TCF4: variants seen among roughly 807,000 people sequenced by gnomAD.
TCF4 encodes the protein transcription factor 4, also known as SL3-3 enhancer factor 2.
In TCF4, 3 loss-of-function variants were observed where a neutral mutation model predicts 82.1. The ratio of observed to expected loss-of-function variants is 0.04; its 90% CI spans 0.02 to 0.09. The LOEUF (loss-of-function observed/expected upper bound fraction) is 0.09, where lower values mean the gene tolerates loss of function less well. Ranked by LOEUF, TCF4 falls within the 10% of genes least tolerant of loss-of-function variation. TCF4 has a pLI of 1.00. For synonymous variants in TCF4, 276 were observed against 309.6 expected (o/e 0.89, Z 1.14); for missense variants, 518 against 852.7 (o/e 0.61, Z 4.89).
At chr18:55,317,056 T>G (rs1448324476) in intron 8 of TCF4, among the ~76,000 whole-genome samples, 1 of 152,070 alleles carries the variant, frequency 6.6e-6, no homozygotes, top group African/African-American at 2.4e-5. Context: ...GTAGCCACAA[T>G]GTCAAGATTA....
chr18:55,488,220 C>T (rs1214824901), intron 3 of TCF4, among the ~76,000 whole-genome samples: 1 of 152,120 alleles, frequency 6.6e-6, no homozygotes. Context: ...ACAAAACAAA[C>T]AGGGTTTTCC....
intron 5 of TCF4, among the ~76,000 whole-genome samples, chr18:55,418,445 A>AAAAGATGGT (rs1338977159): frequency 6.6e-6 from 1 of 152,180 alleles, no homozygotes; most frequent in African/African-American, 2.4e-5. Context: ...ACTGAATTAT[A>AAAAGATGGT]AAAGATGGTA....
At chr18:55,614,614 AT>A (rs539708177) in intron 2 of TCF4, among the ~76,000 whole-genome samples, 11 of 152,034 alleles carry the variant, frequency 7.2e-5, no homozygotes, top group Non-Finnish European at 1.2e-4. Flanking sequence ...GGTTCTTAAA[AT>A]TTTTTTTGAG....
intron 8 of TCF4, among the ~76,000 whole-genome samples, chr18:55,312,102 A>G (rs2072664092): frequency 1.3e-5 from 2 of 152,232 alleles, no homozygotes; most frequent in Non-Finnish European, 2.9e-5. Context: ...ATTCCACATC[A>G]GGCCAGCCAT....
chr18:55,474,650 T>A (rs2096252592), intron 3 of TCF4, among the ~76,000 whole-genome samples: 1 of 152,142 alleles, frequency 6.6e-6, no homozygotes, highest in African/African-American at 2.4e-5. Flanking sequence ...AACACAGATA[T>A]CCTAACCCCA....
Position 55,619,828 on chromosome 18 carries a change from C to T in TCF4, c.286+11470G>A, listed in dbSNP as rs940185272. On this transcript the variant is annotated intron_variant, in intron 2 of 20. Coordinates refer to the TCF4 transcript ENST00000398339. The stretch of plus-strand genomic sequence containing the variant: ...TGGATGTTTTTGTATACCTATAGAC[C>T]TTCTTAAGCTTTTTTCCTTCCCTGG... Among the ~76,000 whole-genome samples the T allele has an allele frequency of 6.6e-5, 10 of 151,904 alleles. 1 individual carries two copies. Among genetic ancestry groups the T allele is most frequent in the African/African-American group, 1.7e-4 (7 of 41,336 alleles).
At chr18:55,269,644 A>G in intron 11 of TCF4, 187 bp downstream of exon 11, 1 of 784,394 alleles carries the variant, frequency 1.3e-6, no homozygotes, top group South Asian at 1.7e-5. Context: ...GTGTCTTGTG[A>G]CGAAAAATAT....
chr18:55,551,132 T>A (rs1394170948), intron 3 of TCF4: 1 of 152,100 alleles, frequency 6.6e-6, no homozygotes, highest in African/African-American at 2.4e-5. Context: ...TTAGTAGAGA[T>A]GGCATTTTCG....
intron 5 of TCF4, among the ~76,000 whole-genome samples, chr18:55,431,806 T>C (rs902404187): frequency 2.8e-4 from 43 of 152,320 alleles, no homozygotes; most frequent in African/African-American, 1.0e-3. Flanking sequence ...CAATAAATTT[T>C]ACTGTGGCAC....
At chr18:55,541,156 A>T (rs374074148) in intron 3 of TCF4, among the ~76,000 whole-genome samples, 110 of 152,078 alleles carry the variant, frequency 7.2e-4, no homozygotes, top group African/African-American at 2.3e-3. Context: ...TAAATGCTCT[A>T]TTCTTGATTT....
At chr18:55,344,823 G>T (rs2080821939) in intron 8 of TCF4, among the ~76,000 whole-genome samples, 1 of 152,116 alleles carries the variant, frequency 6.6e-6, no homozygotes, top group Non-Finnish European at 1.5e-5. Context: ...TGTTTTGTTT[G>T]AGTGTTTGGG....
intron 5 of TCF4, among the ~76,000 whole-genome samples, chr18:55,429,046 ATT>A (rs2095091469): frequency 6.6e-6 from 1 of 152,232 alleles, no homozygotes; most frequent in South Asian, 2.1e-4. Flanking sequence ...TATTAAATAT[ATT>A]TTGTCAATGA....
At chr18:55,603,738 T>C (rs906306175) in intron 2 of TCF4, among the ~76,000 whole-genome samples, 3 of 152,090 alleles carry the variant, frequency 2.0e-5, no homozygotes, top group Non-Finnish European at 4.4e-5. Context: ...AGGGAAAACA[T>C]GTACACAGAA....
chr18:55,401,286 C>T lies in TCF4; in HGVS notation c.369+2168G>A, dbSNP rs7236325. On this transcript the variant is annotated intron_variant, in intron 6 of 19. Coordinates refer to ENST00000354452, the MANE Select transcript of TCF4 (RefSeq NM_001083962.2). ...TCCAAAATTTCACTTTTATTTATCC[C>T]TAAGTAATCACACTGTTTATGGAGA... The T allele has an allele frequency of 3.1e-5, 37 of 1,189,366 alleles. No individual in the cohort carries two copies. In the African/African-American group the frequency reaches 5.9e-4, roughly 19 times the overall value. 73.7% of individuals were successfully genotyped at this position (1,189,366 alleles called of 1,614,324 possible).
chr18:55,571,874 CA>C (rs57217543), intron 3 of TCF4, among the ~76,000 whole-genome samples: 205 of 122,508 alleles, frequency 1.7e-3, no homozygotes, highest in East Asian at 4.6e-3. Flanking sequence ...ATTTTCTTTT[CA>C]AAAAAAAAAA....
chr18:55,470,686 C>A (rs1040756940), intron 3 of TCF4, among the ~76,000 whole-genome samples: 3 of 152,150 alleles, frequency 2.0e-5, no homozygotes, highest in Admixed American at 6.5e-5. Context: ...TCTGAGCCTA[C>A]AACATGCCAA....
chr18:55,469,768 G>C (rs1384801267), intron 3 of TCF4: 1 of 152,276 alleles, frequency 6.6e-6, no homozygotes, highest in Non-Finnish European at 1.5e-5. Context: ...TCTGGTCTGA[G>C]CAAGTCACTG....
intron 11 of TCF4, chr18:55,267,151 G>T (rs2059366661): frequency 1.3e-5 from 2 of 152,148 alleles, no homozygotes; most frequent in South Asian, 4.1e-4. Context: ...CATTAGTATT[G>T]CTTACAGTCA....
chr18:55,383,474 C>T (rs1052241077), intron 6 of TCF4, among the ~76,000 whole-genome samples: 1 of 152,180 alleles, frequency 6.6e-6, no homozygotes, highest in Admixed American at 6.5e-5. Context: ...ACAGGTGACT[C>T]GACCCACACA....
Sources: gnomAD v4.1 joint callset for allele counts (sites outside exome capture counted in the v4.1 genomes callset) on GRCh38, gnomAD v4.1.1 for gene constraint, MANE v1.5 for transcripts, NCBI Gene and HGNC (gene_info 2026-07-23, HGNC 2026-07-21) for gene names.